Variants in PLD5 observed in about 807,000 individuals in gnomAD.
The protein encoded by PLD5 is inactive phospholipase D5.
A neutral mutation model predicts 61.1 loss-of-function variants in PLD5; 36 were observed. The observed-to-expected ratio is 0.59, with a 90% confidence interval of 0.45 to 0.78. The LOEUF (loss-of-function observed/expected upper bound fraction) is 0.78. Ranked by LOEUF, PLD5 falls within the 30% of genes least tolerant of loss-of-function variation. PLD5 has a pLI of 0.00. For synonymous variants in PLD5, 243 were observed against 242.8 expected (o/e 1.00, Z -0.01); for missense variants, 515 against 644.4 (o/e 0.80, Z 2.17).
chr1:242,120,407 C>T (rs1447385740), intron 6 of PLD5, among the ~76,000 whole-genome samples: 2 of 152,016 alleles, frequency 1.3e-5, no homozygotes, highest in Admixed American at 1.3e-4. Flanking sequence ...CCAGCTTTGG[C>T]CTCTCAAAGT....
chr1:242,305,558 C>CT (rs1205958462), intron 2 of PLD5, among the ~76,000 whole-genome samples: 13 of 151,018 alleles, frequency 8.6e-5, no homozygotes, highest in African/African-American at 2.7e-4. Context: ...ACTTCCATTT[C>CT]TTATTTTTTT....
At chr1:242,418,359 C>G (rs1325842565) in intron 1 of PLD5, among the ~76,000 whole-genome samples, 1 of 152,112 alleles carries the variant, frequency 6.6e-6, no homozygotes, top group East Asian at 1.9e-4. Context: ...ACAAAGTAAG[C>G]ATCAAACGAA....
intron 2 of PLD5, among the ~76,000 whole-genome samples, 172 bp from the exon 3 acceptor site, chr1:242,288,702 C>T (rs1675175565): frequency 6.6e-6 from 1 of 152,196 alleles, no homozygotes. Flanking sequence ...CATTTAACCT[C>T]TACTAACCTA....
chr1:242,152,248 A>G (rs1391629858), intron 5 of PLD5, among the ~76,000 whole-genome samples: 1 of 152,052 alleles, frequency 6.6e-6, no homozygotes, highest in Non-Finnish European at 1.5e-5. Flanking sequence ...TAGTGGGTTC[A>G]GTTCTCATGC....
In PLD5 at chr1:242,088,603, G is replaced by C. The variant is rs577184185; in HGVS notation, c.*1251C>G. 2.0e-5 allele frequency: 3 copies of C among 152,162 alleles called. No homozygotes were observed. The highest frequency in any genetic ancestry group is 6.5e-5 in the Admixed American group (1 of 15,276). 9.4% of individuals were successfully genotyped at this position (152,162 alleles called of 1,614,324 possible). Reference sequence around the variant, plus strand: ...GCTCCGCTTTGAGTCACAGAGTCGGGAACAACATTGGAACTGGACATCCCG... The same window carrying C: ...GCTCCGCTTTGAGTCACAGAGTCGGCAACAACATTGGAACTGGACATCCCG... On this transcript the variant is annotated 3_prime_UTR_variant, in exon 10 of 10. Transcript: ENST00000536534.
At chr1:242,456,903 C>T (rs915920364) in intron 1 of PLD5, among the ~76,000 whole-genome samples, 1 of 152,154 alleles carries the variant, frequency 6.6e-6, no homozygotes, top group Non-Finnish European at 1.5e-5. Flanking sequence ...TTTCCTAATT[C>T]CTTCCATATG....
At chr1:242,314,556 C>T (rs1327366684) in intron 2 of PLD5, among the ~76,000 whole-genome samples, 1 of 152,198 alleles carries the variant, frequency 6.6e-6, no homozygotes, top group Non-Finnish European at 1.5e-5. Context: ...CTTTGTGCCT[C>T]TATGTGTTTC....
intron 4 of PLD5, among the ~76,000 whole-genome samples, chr1:242,261,181 T>C (rs2149097394): frequency 6.6e-6 from 1 of 152,300 alleles, no homozygotes; most frequent in Non-Finnish European, 1.5e-5. Context: ...GATAAACAAG[T>C]AGACTGAGAA....
At chr1:242,266,969 C>A (rs377376577) in intron 3 of PLD5, among the ~76,000 whole-genome samples, 1 of 121,762 alleles carries the variant, frequency 8.2e-6, no homozygotes, top group Non-Finnish European at 1.8e-5. Flanking sequence ...ATACAAAAAT[C>A]AGCTGGGCAT....
intron 1 of PLD5, among the ~76,000 whole-genome samples, chr1:242,394,965 ATG>A (rs1321039904): frequency 0.023 from 1,788 of 78,280 alleles, 43 homozygotes; most frequent in South Asian, 0.034. Context: ...ATGAATATAT[ATG>A]ATTATATATG....
At chr1:242,137,621 T>C (rs1663842354) in intron 5 of PLD5, among the ~76,000 whole-genome samples, 1 of 152,230 alleles carries the variant, frequency 6.6e-6, no homozygotes, top group Non-Finnish European at 1.5e-5. Context: ...CCCAGTGTGG[T>C]TCGAACTTGC....
chr1:242,524,221 T>C lies in PLD5; in HGVS notation c.56A>G (p.Gln19Arg), dbSNP rs962194171. The change falls in exon 1 of 10, where the codon CAG becomes CGG. Residue 19 changes from glutamine (Q) to arginine (R), a missense_variant. By Grantham distance (43) the Gln-to-Arg change is conservative. This residue lies in a region of PLD5 where 65 missense variants were observed against 46.3 expected (regional missense o/e 1.40). Transcript: ENST00000536534. The stretch of plus-strand genomic sequence containing the variant: ...CTTGGGGCGGCTTTTGAGCCTCATC[T>C]GCTCGAAGCCCTCATGGGGGGAGGC... ...LSASPHEGFE[Q>R]MRLKSRPKEP... 24 of 1,531,808 alleles carry C rather than the reference T, an allele frequency of 1.6e-5. No homozygotes were observed. The highest frequency in any genetic ancestry group is 8.7e-7 in the Non-Finnish European group (1 of 1,144,880). The allele number at this position is 1,531,808 out of a possible 1,614,324, so 94.9% of individuals were successfully genotyped here.
At position 242,295,633 on chromosome 1, in the gene PLD5, C is replaced by G. The variant is rs147123793; in HGVS notation, c.327-7103G>C. ...TGCAAGTGTCCGTTTGATAAAATAACTTTTTCCCTTTGGGTAGATACCCAG... is the reference window on the plus strand; with the variant it reads ...TGCAAGTGTCCGTTTGATAAAATAAGTTTTTCCCTTTGGGTAGATACCCAG... On this transcript the variant is annotated intron_variant, in intron 2 of 9. Transcript: ENST00000536534. Among the ~76,000 whole-genome samples the G allele has an allele frequency of 1.8e-3, 268 of 152,250 alleles. 1 individual carries two copies. Among genetic ancestry groups the G allele is most frequent in the African/African-American group, 6.2e-3 (258 of 41,532 alleles).
chr1:242,286,954 T>C (rs1675061362), intron 3 of PLD5, among the ~76,000 whole-genome samples: 1 of 152,120 alleles, frequency 6.6e-6, no homozygotes, highest in Non-Finnish European at 1.5e-5. Flanking sequence ...GAATGGGCTG[T>C]GGTATGTTAT....
At chr1:242,433,379 A>G (rs1315251698) in intron 1 of PLD5, among the ~76,000 whole-genome samples, 1 of 152,172 alleles carries the variant, frequency 6.6e-6, no homozygotes, top group African/African-American at 2.4e-5. Flanking sequence ...CTTTTGTACA[A>G]TCCTGGGAAC....
At chr1:242,514,813 G>T (rs1669050789) in intron 1 of PLD5, among the ~76,000 whole-genome samples, 1 of 152,038 alleles carries the variant, frequency 6.6e-6, no homozygotes, top group African/African-American at 2.4e-5. Context: ...GAAGGACCCA[G>T]GAAGCCATAC....
intron 4 of PLD5, among the ~76,000 whole-genome samples, chr1:242,224,757 G>A (rs1670819932): frequency 6.6e-6 from 1 of 152,210 alleles, no homozygotes; most frequent in South Asian, 2.1e-4. Context: ...AAACTAATAT[G>A]TAGGTTAGTG....
chr1:242,126,332 GA>G (rs1351722823), intron 5 of PLD5, among the ~76,000 whole-genome samples: 4 of 152,040 alleles, frequency 2.6e-5, no homozygotes, highest in African/African-American at 9.7e-5. Context: ...CATATGGGAC[GA>G]AAAAGCCTGC....
At chr1:242,301,764 A>G (rs918009886) in intron 2 of PLD5, among the ~76,000 whole-genome samples, 7 of 38,610 alleles carry the variant, frequency 1.8e-4, no homozygotes, top group Non-Finnish European at 4.5e-4. Flanking sequence ...ATTTTTTAAA[A>G]CATTATTATT....
Sources: allele counts gnomAD v4.1 joint callset (sites outside exome capture counted in the v4.1 genomes callset), GRCh38; gene constraint gnomAD v4.1.1; regional missense constraint gnomAD v4.1.1; transcripts MANE v1.5; gene names NCBI Gene and HGNC (gene_info 2026-07-23, HGNC 2026-07-21).